Variants in ANK2 observed in about 807,000 individuals in gnomAD.
ANK2 encodes the protein ankyrin-2.
Under a neutral mutation model 360.5 loss-of-function variants are expected in ANK2, and 83 were observed. The observed-to-expected ratio is 0.23, with a 90% CI of 0.19 to 0.28. The LOEUF is 0.28. ANK2 is among the 10% of genes least tolerant of loss of function. The probability of loss-of-function intolerance (pLI) is 1.00; values close to 1 mark genes in which losing one functional copy is unlikely to be tolerated. For synonymous variants in ANK2, 1,740 were observed against 1,759.5 expected, an observed-to-expected ratio of 0.99 and a Z score of 0.28; for missense variants, 4,201 against 4,795.7, an observed-to-expected ratio of 0.88 and a Z score of 3.66.
intron 1 of ANK2, among the ~76,000 whole-genome samples, chr4:113,087,917 A>G (rs1334042903): frequency 6.6e-6 from 1 of 152,192 alleles, no homozygotes; most frequent in Non-Finnish European, 1.5e-5. Context: ...TTTAGAAATG[A>G]ATTATAAATA....
chr4:113,338,094 AG>A (rs2093781769), intron 31 of ANK2, among the ~76,000 whole-genome samples: 1 of 152,182 alleles, frequency 6.6e-6, no homozygotes, highest in African/African-American at 2.4e-5. Flanking sequence ...TTAAATACCT[AG>A]ATATTTGAGT....
intron 1 of ANK2, among the ~76,000 whole-genome samples, chr4:112,837,384 G>A (rs1384111112): frequency 6.6e-6 from 1 of 152,234 alleles, no homozygotes; most frequent in African/African-American, 2.4e-5. Context: ...TGCAGGGATG[G>A]AGCCCTCATG....
chr4:112,723,394 C>T, the ANK2 span, among the ~76,000 whole-genome samples: 1 of 152,102 alleles, frequency 6.6e-6, no homozygotes, highest in Admixed American at 6.6e-5. Context: ...AGGACGGACT[C>T]ACTCTGTCAC....
chr4:112,762,829 A>G, the ANK2 span, among the ~76,000 whole-genome samples: 2 of 152,204 alleles, frequency 1.3e-5, no homozygotes, highest in Non-Finnish European at 2.9e-5. Context: ...TTTTGACACT[A>G]TAACTTGCAC....
the ANK2 span, among the ~76,000 whole-genome samples, chr4:112,772,467 G>C: frequency 1.3e-5 from 2 of 152,060 alleles, no homozygotes; most frequent in African/African-American, 4.8e-5. Context: ...TCATATCAGT[G>C]CCTTATTTTG....
intron 2 of ANK2, among the ~76,000 whole-genome samples, chr4:112,936,491 G>A (rs560372871): frequency 4.6e-5 from 7 of 151,940 alleles, no homozygotes; most frequent in South Asian, 2.1e-4. Context: ...GATTACAGGC[G>A]CGTGCCACCA....
intron 1 of ANK2, among the ~76,000 whole-genome samples, chr4:112,838,906 G>A (rs139992712): frequency 6.6e-6 from 1 of 152,202 alleles, no homozygotes; most frequent in Non-Finnish European, 1.5e-5. Flanking sequence ...CTGTGCCTTT[G>A]GTATTTCACT....
chr4:113,034,595 G>C (rs1335354556), intron 2 of ANK2: 1 of 152,026 alleles, frequency 6.6e-6, no homozygotes, highest in Non-Finnish European at 1.5e-5. Context: ...AAGGAGAAGA[G>C]AAGCTGGCAC....
chr4:112,731,058 C>T, the ANK2 span, among the ~76,000 whole-genome samples: 1 of 151,824 alleles, frequency 6.6e-6, no homozygotes, highest in East Asian at 1.9e-4. Context: ...AGGAGAATCG[C>T]TTGAACCCAG....
At chr4:113,072,951 G>GTTTTT (rs1580777093) in intron 1 of ANK2, among the ~76,000 whole-genome samples, 6 of 92,626 alleles carry the variant, frequency 6.5e-5, no homozygotes, top group African/African-American at 2.0e-4. Context: ...CAAGGACAGT[G>GTTTTT]TCTTTTTTTT....
chr4:112,968,835 A>G (rs2038348692), intron 2 of ANK2, among the ~76,000 whole-genome samples: 2 of 152,058 alleles, frequency 1.3e-5, no homozygotes, highest in Admixed American at 1.3e-4. Context: ...TCATTTCTCT[A>G]CTTATACTGA....
intron 1 of ANK2, among the ~76,000 whole-genome samples, chr4:112,835,392 G>T (rs961533530): frequency 2.0e-5 from 3 of 151,998 alleles, no homozygotes; most frequent in African/African-American, 4.8e-5. Context: ...TTTTTGGTTT[G>T]TTTATATTTT....
chr4:112,976,432 G>A (rs1211142661), intron 2 of ANK2, among the ~76,000 whole-genome samples: 1 of 152,120 alleles, frequency 6.6e-6, no homozygotes, highest in African/African-American at 2.4e-5. Flanking sequence ...GACCTCATGT[G>A]ATCCTCCCAC....
At chr4:113,175,396 C>T (rs1490870756) in intron 2 of ANK2, among the ~76,000 whole-genome samples, 1 of 152,178 alleles carries the variant, frequency 6.6e-6, no homozygotes, top group Non-Finnish European at 1.5e-5. Flanking sequence ...TATCCTCAAA[C>T]TTATTGTACT....
At chr4:112,830,413 C>T (rs1174238513) in intron 1 of ANK2, among the ~76,000 whole-genome samples, 2 of 152,126 alleles carry the variant, frequency 1.3e-5, no homozygotes, top group African/African-American at 2.4e-5. Context: ...AACAAAATAC[C>T]AGATGTTCTC....
chr4:113,293,379 T>C, intron 21 of ANK2, 61 bp from the exon 22 acceptor site: 2 of 1,445,628 alleles, frequency 1.4e-6, no homozygotes, highest in East Asian at 4.6e-5. Flanking sequence ...GGTGAGCTCA[T>C]TGGCTCACAT....
rs116661075 is a variant in ANK2 at position 112,912,392 on chromosome 4, A to G, written c.21+7878A>G. On this transcript the variant is annotated intron_variant, in intron 2 of 30. Transcript: ENST00000503271. ...GATAAAACATATTACTTTAGAAGCC[A>G]TTTATTCCTACTTAAAAGTTCCCAA... Among the ~76,000 whole-genome samples the G allele has an allele frequency of 2.6e-3, 400 of 152,188 alleles. 2 individuals are homozygous for G. Among genetic ancestry groups the G allele is most frequent in the African/African-American group, 9.3e-3 (387 of 41,534 alleles).
At chr4:112,998,031 G>T (rs1294058842) in intron 2 of ANK2, among the ~76,000 whole-genome samples, 3 of 151,422 alleles carry the variant, frequency 2.0e-5, no homozygotes, top group Non-Finnish European at 2.9e-5. Context: ...TTGAGCATGT[G>T]GTCCTAAATG....
the ANK2 span, among the ~76,000 whole-genome samples, chr4:112,773,254 C>T: frequency 6.6e-6 from 1 of 152,100 alleles, no homozygotes; most frequent in Non-Finnish European, 1.5e-5. Flanking sequence ...GAAGTTGGGG[C>T]TGTGGTGAGC....
Sources: allele counts gnomAD v4.1 joint callset (sites outside exome capture counted in the v4.1 genomes callset), GRCh38; gene constraint gnomAD v4.1.1; transcripts MANE v1.5; gene names NCBI Gene and HGNC (gene_info 2026-07-23, HGNC 2026-07-21).